Variants in TGM2 observed in about 807,000 individuals in gnomAD.
TGM2 encodes transglutaminase 2.
A neutral mutation model predicts 75.6 loss-of-function variants in TGM2; 53 were observed. The ratio of observed to expected loss-of-function variants is 0.70; its 90% confidence interval spans 0.56 to 0.88. TGM2 has a LOEUF of 0.88. TGM2 is among the 40% of genes least tolerant of loss of function. The pLI, the probability that TGM2 is intolerant of heterozygous loss-of-function variation, is 0.00. For synonymous variants in TGM2, 374 were observed against 381.1 expected, an observed-to-expected ratio of 0.98 and a Z score of 0.22; for missense variants, 842 against 928.5, an observed-to-expected ratio of 0.91 and a Z score of 1.21.
rs572578163 is a variant in TGM2 at position 38,133,398 on chromosome 20, AGGTAAGACCAAG to A, written c.1616-910_1616-899del. The A allele has an allele frequency of 5.0e-3, 796 of 159,828 alleles. 2 individuals carry two copies. Among genetic ancestry groups the A allele is most frequent in the Middle Eastern group, 9.9e-3 (3 of 302 alleles). 9.9% of individuals were successfully genotyped at this position (159,828 alleles called of 1,614,324 possible). On this transcript the variant is annotated intron_variant, in intron 10 of 12. Coordinates refer to ENST00000361475, the MANE Select transcript of TGM2 (RefSeq NM_004613.4). ...CCAGATCTTATCACCTGCTGGGCAG[AGGTAAGACCAAG>A]GGTCGTTGCAGAGCAAAAGCCGCAC...
chr20:38,149,678 C>CAAAAAAAAAAA (rs1199376180), intron 4 of TGM2, among the ~76,000 whole-genome samples: 23 of 40,442 alleles, frequency 5.7e-4, no homozygotes, highest in East Asian at 2.5e-3. Context: ...GACTCCGCCT[C>CAAAAAAAAAAA]AAAAAAAAAA....
chr20:38,128,035 G>A lies in TGM2; in HGVS notation c.*2184C>T, dbSNP rs1020888004. The A allele has an allele frequency of 1.3e-5, 2 of 152,184 alleles. No individual in the cohort carries two copies. The highest frequency in any genetic ancestry group is 2.9e-5 in the Non-Finnish European group (2 of 68,046). The allele number at this position is 152,184 out of a possible 1,614,324, so 9.4% of individuals were successfully genotyped here. On this transcript the variant is annotated 3_prime_UTR_variant, in exon 13 of 13. Transcript: ENST00000361475. ...CCAACGTGGAAGTAAAATTTACTGT[G>A]ATAAATGTTTGAATTGGTCCATATT...
chr20:38,167,309 C>T (rs1221079704), upstream of TGM2, among the ~76,000 whole-genome samples: 1 of 152,106 alleles, frequency 6.6e-6, no homozygotes. Flanking sequence ...AACCCTCAGC[C>T]TGGGAGCTCC....
chr20:38,154,643 G>T lies in TGM2; in HGVS notation c.433+1204C>A, dbSNP rs45452406. On this transcript the variant is annotated intron_variant, in intron 3 of 12. Coordinates refer to ENST00000361475, the MANE Select transcript of TGM2 (RefSeq NM_004613.4). ...CTCAGTTTCCTGTGTGTGAAGTGGG[G>T]AAGTGTCATCTCCCCCTTGGGATTG... Among the ~76,000 whole-genome samples the T allele has an allele frequency of 2.0e-5, 3 of 152,296 alleles. No individual in the cohort carries two copies. In the East Asian group the frequency reaches 5.8e-4, roughly 29 times the overall value.
intron 2 of TGM2, among the ~76,000 whole-genome samples, chr20:38,158,292 C>T (rs1253261628): frequency 6.6e-6 from 1 of 152,246 alleles, no homozygotes; most frequent in East Asian, 1.9e-4. Flanking sequence ...AGGAGAAGGA[C>T]AGGCTGTCCC....
At chr20:38,159,179 G>A (rs1449390369) in intron 2 of TGM2, among the ~76,000 whole-genome samples, 1 of 152,150 alleles carries the variant, frequency 6.6e-6, no homozygotes, top group African/African-American at 2.4e-5. Context: ...AATTGGAGAA[G>A]GAGAAATAAG....
In TGM2 at chr20:38,162,529, A is replaced by G. The variant is rs534815519; in HGVS notation, c.11-930T>C. Reference sequence around the variant, plus strand: ...TAGATTGCAAGAAAGAAAATGAAAAAAACATTGAAGAGAGAACCTATAAAG... The same window carrying G: ...TAGATTGCAAGAAAGAAAATGAAAAGAACATTGAAGAGAGAACCTATAAAG... On this transcript the variant is annotated intron_variant, in intron 1 of 12. Coordinates refer to ENST00000361475, the MANE Select transcript of TGM2 (RefSeq NM_004613.4). Among the ~76,000 whole-genome samples, 70 of 152,368 alleles carry G rather than the reference A, an allele frequency of 4.6e-4. 1 individual carries two copies. The South Asian group carries it at 0.014, about 31-fold the overall frequency.
chr20:38,163,583 C>T (rs2075278880), intron 1 of TGM2, among the ~76,000 whole-genome samples: 1 of 152,160 alleles, frequency 6.6e-6, no homozygotes, highest in Admixed American at 6.6e-5. Flanking sequence ...CTGGGAACCA[C>T]CTCACTACAG....
intron 10 of TGM2, chr20:38,133,006 C>A (rs1331090943): frequency 2.7e-6 from 1 of 374,064 alleles, no homozygotes; most frequent in Non-Finnish European, 5.4e-6. Context: ...CATGACAACC[C>A]TAAAAGGCTT....
At chr20:38,167,957 G>C (rs1311314211), upstream of TGM2, among the ~76,000 whole-genome samples, 2 of 152,208 alleles carry the variant, frequency 1.3e-5, no homozygotes, top group Admixed American at 1.3e-4. Context: ...CCACTCCCCA[G>C]AGTGTCATGA....
chr20:38,149,289 T>C (rs2075085038), intron 4 of TGM2, among the ~76,000 whole-genome samples: 1 of 152,148 alleles, frequency 6.6e-6, no homozygotes, highest in African/African-American at 2.4e-5. Context: ...TGTTATTCCT[T>C]CCTTCCTCTA....
At chr20:38,134,580 G>A (rs989369584) in intron 10 of TGM2, among the ~76,000 whole-genome samples, 26 of 152,324 alleles carry the variant, frequency 1.7e-4, no homozygotes, top group African/African-American at 6.0e-4. Flanking sequence ...GAGGAAACCT[G>A]TATGGTCAGT....
At position 38,128,372 on chromosome 20, in the gene TGM2, G is replaced by A. The variant is rs1196049013; in HGVS notation, c.*1847C>T. 1 of 152,264 alleles carries A rather than the reference G, an allele frequency of 6.6e-6. No homozygotes were observed. The highest frequency in any genetic ancestry group is 1.5e-5 in the Non-Finnish European group (1 of 68,098). The allele number at this position is 152,264 out of a possible 1,614,324, so 9.4% of individuals were successfully genotyped here. The stretch of plus-strand genomic sequence containing the variant: ...AGGGACAGGGCTGAGGCTCAGGAAA[G>A]ACTCCTAGGCAGGAAGTGGGGGTCC... On this transcript the variant is annotated 3_prime_UTR_variant, in exon 13 of 13. Transcript: ENST00000361475.
chr20:38,130,228 G>A lies in TGM2; in HGVS notation c.2055C>T (p.Gly685=), dbSNP rs1304798762. 7 of 1,613,220 alleles carry A rather than the reference G, an allele frequency of 4.3e-6. No individual in the cohort carries two copies. The highest frequency in any genetic ancestry group is 2.2e-5 in the East Asian group (1 of 44,874). ...TGGGAGCAGGGGTCCCTTAGGCGGG[G>A]CCAATGATGACATTCCGGAAGCCCT... is the stretch of plus-strand genomic sequence containing the variant. ...AVKGFRNVII[G]PA is the part of the protein sequence containing the mutation. Residue 685 remains glycine, a synonymous_variant, in exon 13 of 13, where the codon GGC becomes GGT. Coordinates refer to ENST00000361475, the MANE Select transcript of TGM2 (RefSeq NM_004613.4).
rs377055359 is a variant in TGM2, at chr20:38,139,587, A to T, written c.1167T>A (p.Asp389Glu). ...IKEGDLSTKY[D>E]APFVFAEVNA... ...TGACCTCCGCAAAGACAAAGGGCGC[A>T]TCGTACTTGGTGCTCAGGTCGCCCT... Residue 389 changes from aspartate to glutamate, a missense_variant, in exon 9 of 13, where the codon GAT becomes GAA. Coordinates refer to ENST00000361475, the MANE Select transcript of TGM2 (RefSeq NM_004613.4). 2 of 1,614,190 alleles carry T rather than the reference A, an allele frequency of 1.2e-6. No individual in the cohort carries two copies. Among genetic ancestry groups the T allele is most frequent in the South Asian group, 1.1e-5 (1 of 91,088 alleles).
Position 38,138,142 on chromosome 20 carries a change from A to G in TGM2, c.1586T>C (p.Leu529Pro), listed in dbSNP as rs1188792328. 2 of 1,600,818 alleles carry G rather than the reference A, an allele frequency of 1.2e-6. No individual in the cohort carries two copies. The highest frequency in any genetic ancestry group is 1.7e-6 in the Non-Finnish European group (2 of 1,173,770). ...ILGPECGTKY[L>P]LNLNLEPFSE... ...GAAAGGCTCCAGGTTGAGGTTGAGC[A>G]GGTACTTGGTGCCACACTCGGGCCC... is the stretch of plus-strand genomic sequence containing the variant. Residue 529 changes from leucine (L) to proline (P), a missense_variant, in exon 10 of 13, where the codon CTG becomes CCG. Coordinates refer to ENST00000361475, the MANE Select transcript of TGM2 (RefSeq NM_004613.4).
At chr20:38,141,997 C>T in intron 7 of TGM2, 67 bp downstream of exon 7, 1 of 1,602,430 alleles carries the variant, frequency 6.2e-7, no homozygotes, top group Non-Finnish European at 8.5e-7. Flanking sequence ...CCAAGAAGCC[C>T]TCCAAGGTTT....
At chr20:38,164,743 G>T (rs938106490) in intron 1 of TGM2, among the ~76,000 whole-genome samples, 1 of 152,150 alleles carries the variant, frequency 6.6e-6, no homozygotes, top group African/African-American at 2.4e-5. Flanking sequence ...CTCTCTGGCC[G>T]CTGGAGCCAA....
chr20:38,153,614 A>T (rs1279685559), intron 3 of TGM2, among the ~76,000 whole-genome samples: 1 of 151,916 alleles, frequency 6.6e-6, no homozygotes, highest in Non-Finnish European at 1.5e-5. Context: ...AGGGGAAAAA[A>T]CCAAGTTGTA....
Sources: gnomAD v4.1 joint callset for allele counts (sites outside exome capture counted in the v4.1 genomes callset) on GRCh38, gnomAD v4.1.1 for gene constraint, MANE v1.5 for transcripts, NCBI Gene and HGNC (gene_info 2026-07-23, HGNC 2026-07-21) for gene names.